HMGA2: variants seen among roughly 807,000 people sequenced by gnomAD.
HMGA2 encodes the protein high mobility group AT-hook 2, also known as high mobility group protein HMGI-C.
A neutral mutation model predicts 19.1 loss-of-function variants in HMGA2; 8 were observed. That is an observed-to-expected ratio of 0.42 (90% CI 0.25 to 0.76). The LOEUF is 0.76. HMGA2 is among the 30% of genes least tolerant of loss of function. The pLI is 0.28. For synonymous variants in HMGA2, 60 were observed against 48.8 expected, an observed-to-expected ratio of 1.23 and a Z score of -0.96; for missense variants, 109 against 136.3, an observed-to-expected ratio of 0.80 and a Z score of 1.00.
At chr12:65,958,324 A>G (rs1876658543) in intron 4 of HMGA2, 1 of 152,240 alleles carries the variant, frequency 6.6e-6, no homozygotes, top group Non-Finnish European at 1.5e-5. Flanking sequence ...TCTCCTTTTG[A>G]AAAACATAAT....
chr12:65,852,869 A>G (rs1208231590), intron 3 of HMGA2, among the ~76,000 whole-genome samples: 2 of 152,256 alleles, frequency 1.3e-5, no homozygotes, highest in Non-Finnish European at 2.9e-5. Flanking sequence ...TGAGCAGAAG[A>G]GACCTCTCCA....
chr12:65,958,977 T>C (rs1876676183), intron 4 of HMGA2: 1 of 152,230 alleles, frequency 6.6e-6, no homozygotes, highest in Non-Finnish European at 1.5e-5. Context: ...CTTGGTTCCA[T>C]TTAGAATTCA....
intron 3 of HMGA2, among the ~76,000 whole-genome samples, chr12:65,882,874 C>T (rs757598351): frequency 7.9e-5 from 12 of 152,162 alleles, no homozygotes; most frequent in Non-Finnish European, 1.5e-4. Flanking sequence ...CTGCTTTTCA[C>T]AAGGAGGGGT....
chr12:65,915,088 G>T, intron 3 of HMGA2: 2 of 1,613,886 alleles, frequency 1.2e-6, no homozygotes, highest in Non-Finnish European at 1.7e-6. Flanking sequence ...CCAGCTCCAA[G>T]AAGAAAACAT....
In HMGA2 at chr12:65,951,418, A is replaced by G. The variant is rs1430677883; in HGVS notation, c.282+3A>G. Reference sequence around the variant, plus strand: ...TTGTTCAGAAGAAGCCTGCTCAGGTAAGACATAGTCATTAATTTTTTTCTC... The same window carrying G: ...TTGTTCAGAAGAAGCCTGCTCAGGTGAGACATAGTCATTAATTTTTTTCTC... On this transcript the variant is annotated splice_donor_region_variant and intron_variant, in intron 4 of 4. Transcript: ENST00000403681. The G allele has an allele frequency of 6.6e-7, 1 of 1,521,010 alleles. No homozygotes were observed. The highest frequency in any genetic ancestry group is 1.2e-5 in the South Asian group (1 of 81,596). The allele number at this position is 1,521,010 out of a possible 1,614,324, so 94.2% of individuals were successfully genotyped here. A position where few individuals can be genotyped will look rare whatever the true frequency, so the allele number is the denominator to read the frequency against.
chr12:65,933,311 C>T (rs1354195130), intron 3 of HMGA2, among the ~76,000 whole-genome samples: 1 of 152,100 alleles, frequency 6.6e-6, no homozygotes, highest in Non-Finnish European at 1.5e-5. Flanking sequence ...AAGACCTTTG[C>T]AGAACTCCAT....
intron 3 of HMGA2, among the ~76,000 whole-genome samples, chr12:65,944,434 C>T (rs185198855): frequency 2.9e-4 from 44 of 152,272 alleles, no homozygotes; most frequent in South Asian, 8.3e-4. Context: ...ACAACCACAG[C>T]ATAAGCAAGA....
rs375125523 is a variant in HMGA2 at position 65,880,070 on chromosome 12, G to C, written c.249+41501G>C. Among the ~76,000 whole-genome samples the C allele has an allele frequency of 2.7e-4, 41 of 152,290 alleles. 1 individual carries two copies. The South Asian group carries it at 3.9e-3, about 15-fold the overall frequency. On this transcript the variant is annotated intron_variant, in intron 3 of 4. Transcript: ENST00000403681. ...GTGGTTGACCAAAAGTATGCAAGTG[G>C]TTATAAAAAAATGTAGACAGCTAAC...
rs1183838139 is a variant in HMGA2, at chr12:65,964,634, G to T, written c.*1342G>T. On this transcript the variant is annotated 3_prime_UTR_variant, in exon 5 of 5. Transcript: ENST00000403681. Reference sequence around the variant, plus strand: ...GCAATGCAAGAAAAAAACTTACTGGGTAGGTGATTCTAATCATCTGCAGTT... The same window carrying T: ...GCAATGCAAGAAAAAAACTTACTGGTTAGGTGATTCTAATCATCTGCAGTT... The T allele has an allele frequency of 4.7e-6, 1 of 212,574 alleles. No homozygotes were observed. Among genetic ancestry groups the T allele is most frequent in the Non-Finnish European group, 9.5e-6 (1 of 105,086 alleles). 13.2% of individuals were successfully genotyped at this position (212,574 alleles called of 1,614,324 possible).
chr12:65,893,522 G>A (rs908633734), intron 3 of HMGA2, among the ~76,000 whole-genome samples: 2 of 152,186 alleles, frequency 1.3e-5, no homozygotes, highest in African/African-American at 4.8e-5. Flanking sequence ...TGCAGAACAG[G>A]ACTGGTTTTT....
intron 3 of HMGA2, among the ~76,000 whole-genome samples, chr12:65,855,699 AGATGAT>A (rs3048830): frequency 1.8e-3 from 266 of 148,650 alleles, no homozygotes; most frequent in Non-Finnish European, 2.9e-3. Context: ...ACCAGAACAC[AGATGAT>A]GATGATGATG....
chr12:65,882,411 C>T (rs577378684), intron 3 of HMGA2, among the ~76,000 whole-genome samples: 65 of 152,282 alleles, frequency 4.3e-4, no homozygotes, highest in East Asian at 3.9e-3. Context: ...CAAAGCAGCC[C>T]GCCCGCCCTG....
chr12:65,962,587 T>G (rs1473082653), intron 4 of HMGA2, among the ~76,000 whole-genome samples: 1 of 152,170 alleles, frequency 6.6e-6, no homozygotes, highest in Non-Finnish European at 1.5e-5. Flanking sequence ...CGTTGTCAGC[T>G]CTGCCCCTGC....
intron 3 of HMGA2, among the ~76,000 whole-genome samples, chr12:65,887,556 A>G (rs1873710184): frequency 1.3e-5 from 2 of 152,140 alleles, no homozygotes; most frequent in East Asian, 3.9e-4. Flanking sequence ...CTCCATCTCT[A>G]CTAAAAATAT....
chr12:65,956,248 C>A (rs1400024549), intron 4 of HMGA2: 1 of 152,172 alleles, frequency 6.6e-6, no homozygotes, highest in South Asian at 2.1e-4. Context: ...AGTAAAACAT[C>A]TTGTGGGCCA....
At chr12:65,828,381 C>T (rs1355076902) in intron 2 of HMGA2, 11 of 135,320 alleles carry the variant, frequency 8.1e-5, no homozygotes, top group South Asian at 1.5e-4. Flanking sequence ...GCGGGGGGGG[C>T]GGGATGAAAA....
At chr12:65,940,563 A>C (rs548345488) in intron 3 of HMGA2, among the ~76,000 whole-genome samples, 4 of 152,320 alleles carry the variant, frequency 2.6e-5, no homozygotes, top group African/African-American at 9.6e-5. Context: ...TTAAAAACAG[A>C]TGCTATTTTT....
chr12:65,883,847 T>C (rs1044387959), intron 3 of HMGA2, among the ~76,000 whole-genome samples: 10 of 152,206 alleles, frequency 6.6e-5, no homozygotes, highest in Non-Finnish European at 8.8e-5. Context: ...AATTGAAAAC[T>C]GGGAAAAATA....
intron 3 of HMGA2, among the ~76,000 whole-genome samples, chr12:65,884,057 G>T (rs1018373656): frequency 6.6e-5 from 10 of 152,152 alleles, no homozygotes. Context: ...GTAGAGATGA[G>T]ATTTTGCCAT....
Sources: allele counts gnomAD v4.1 joint callset (sites outside exome capture counted in the v4.1 genomes callset), GRCh38; gene constraint gnomAD v4.1.1; transcripts MANE v1.5; gene names NCBI Gene and HGNC (gene_info 2026-07-23, HGNC 2026-07-21).